HSD3B1: variants seen among roughly 807,000 people sequenced by gnomAD.
The protein encoded by HSD3B1 is hydroxy-delta-5-steroid dehydrogenase, 3 beta- and steroid delta-isomerase 1, also known as 3 beta-hydroxysteroid dehydrogenase/Delta 5-->4-isomerase type 1.
Under a neutral mutation model 10.4 loss-of-function variants are expected in HSD3B1, and 11 were observed. That is an observed-to-expected ratio of 1.05 (90% confidence interval 0.66 to 1.75). The LOEUF (loss-of-function observed/expected upper bound fraction) is 1.75, where lower values mean the gene tolerates loss of function less well. Among genes scored for constraint, HSD3B1 ranks in the 40% most tolerant of loss-of-function variants. The pLI, the probability that HSD3B1 is intolerant of heterozygous loss-of-function variation, is 0.00. For missense variants in HSD3B1, 490 were observed against 454.5 expected, an observed-to-expected ratio of 1.08 and a Z score of -0.71; for synonymous variants, 217 against 185.4, an observed-to-expected ratio of 1.17 and a Z score of -1.39.
At position 119,514,744 on chromosome 1, in the gene HSD3B1, A is replaced by C; in HGVS notation, c.*99A>C. The C allele has an allele frequency of 7.5e-7, 1 of 1,335,028 alleles. No individual in the cohort carries two copies. The highest frequency in any genetic ancestry group is 1.1e-6 in the Non-Finnish European group (1 of 949,744). 82.7% of individuals were successfully genotyped at this position (1,335,028 alleles called of 1,614,324 possible). A position where few individuals can be genotyped will look rare whatever the true frequency, so the allele number is the denominator to read the frequency against. The stretch of plus-strand genomic sequence containing the variant: ...CAGAAAGTGACAAGGGCACAAGCTC[A>C]GGTCCTGCTGCCTCCCTTTCATACA... On this transcript the variant is annotated 3_prime_UTR_variant, in exon 4 of 4. Transcript: ENST00000369413.
At position 119,513,859 on chromosome 1, in the gene HSD3B1, T is replaced by C. The variant is rs1317897970; in HGVS notation, c.336T>C (p.Cys112=). 6.2e-7 allele frequency: 1 copy of C among 1,613,760 alleles called. No homozygotes were observed. Among genetic ancestry groups the C allele is most frequent in the African/African-American group, 1.3e-5 (1 of 74,894 alleles). The change falls in exon 4 of 4, where the codon TGT becomes TGC. Residue 112 remains cysteine, a synonymous_variant. Transcript: ENST00000369413. ...VKGTQLLLEA[C]VQASVPVFIY... is the part of the protein sequence containing the mutation. ...GTACCCAGCTCCTGTTAGAGGCCTG[T>C]GTCCAAGCTAGTGTGCCAGTCTTCA...
At position 119,508,372 on chromosome 1, in the gene HSD3B1, A is replaced by T. The variant is rs1270856682; in HGVS notation, c.145+751A>T. Among the ~76,000 whole-genome samples, 974 of 127,370 alleles carry T rather than the reference A, an allele frequency of 7.6e-3. 8 individuals carry two copies. The highest frequency in any genetic ancestry group is 0.043 in the African/African-American group (925 of 21,674). 83.6% of individuals were successfully genotyped at this position (127,370 alleles called of 152,430 possible). A position where few individuals can be genotyped will look rare whatever the true frequency, so the allele number is the denominator to read the frequency against. ...ATTTTGCATATATGGCTTTTTTTTAAAAAAAAAAAAACAAAACATTTACCT... is the reference window on the plus strand; with the variant it reads ...ATTTTGCATATATGGCTTTTTTTTATAAAAAAAAAAACAAAACATTTACCT... On this transcript the variant is annotated intron_variant, in intron 2 of 3. Coordinates refer to ENST00000369413, the MANE Select transcript of HSD3B1 (RefSeq NM_000862.3).
In HSD3B1 at chr1:119,507,612, G is replaced by A. The variant is rs369792933; in HGVS notation, c.136G>A (p.Glu46Lys). ...DKAFGPELRE[E>K]FSKLQNKTKL... ...GGCCTTCGGACCAGAATTGAGAGAG[G>A]AATTTTCTAGTAAGTAAACTTGGGT... Residue 46 changes from glutamate to lysine, a missense_variant, in exon 2 of 4, where the codon GAA becomes AAA. By Grantham distance (56) the Glu-to-Lys change is moderately conservative (BLOSUM62 1). Transcript: ENST00000369413. The A allele has an allele frequency of 9.9e-6, 16 of 1,613,766 alleles. No individual in the cohort carries two copies. Among genetic ancestry groups the A allele is most frequent in the African/African-American group, 1.3e-5 (1 of 74,864 alleles).
chr1:119,513,633 CAT>C (rs1209346688), intron 3 of HSD3B1, among the ~76,000 whole-genome samples, 199 bp from the exon 4 acceptor site: 6 of 152,182 alleles, frequency 3.9e-5, no homozygotes, highest in Admixed American at 2.0e-4. Context: ...CCAGAACCCA[CAT>C]GTCAGTTTCT....
Position 119,507,254 on chromosome 1 carries a change from T to C in HSD3B1, c.-94T>C, listed in dbSNP as rs1557893619. 3.8e-6 allele frequency: 2 copies of C among 529,208 alleles called. No homozygotes were observed. Among genetic ancestry groups the C allele is most frequent in the East Asian group, 3.4e-5 (1 of 29,698 alleles). The allele number at this position is 529,208 out of a possible 1,614,324, so 32.8% of individuals were successfully genotyped here. On this transcript the variant is annotated 5_prime_UTR_variant, in exon 1 of 4. Transcript: ENST00000369413. ...CTCTTCTGTCCAGCTTTTAACAATC[T>C]AACTAATGGTTAGAGATTTTTCATT...
rs1233214320 is a variant in HSD3B1, at chr1:119,513,866, G to T, written c.343G>T (p.Ala115Ser). The change falls in exon 4 of 4, where the codon GCT becomes TCT. Residue 115 changes from alanine (A) to serine (S), a missense_variant. Transcript: ENST00000369413. The part of the protein sequence containing the change: ...TQLLLEACVQ[A>S]SVPVFIYTSS... ...GCTCCTGTTAGAGGCCTGTGTCCAAGCTAGTGTGCCAGTCTTCATCTACAC... is the reference window on the plus strand; with the variant it reads ...GCTCCTGTTAGAGGCCTGTGTCCAATCTAGTGTGCCAGTCTTCATCTACAC... The T allele has an allele frequency of 6.2e-7, 1 of 1,613,934 alleles. No homozygotes were observed. Among genetic ancestry groups the T allele is most frequent in the Admixed American group, 1.7e-5 (1 of 60,006 alleles).
intron 2 of HSD3B1, among the ~76,000 whole-genome samples, chr1:119,509,415 A>G (rs1474089277): frequency 6.6e-6 from 1 of 152,196 alleles, no homozygotes; most frequent in Non-Finnish European, 1.5e-5. Flanking sequence ...CTTCATCAAC[A>G]AAGTACCTTT....
chr1:119,514,910 A>G lies in HSD3B1; in HGVS notation c.*265A>G, dbSNP rs1350095258. The G allele has an allele frequency of 8.1e-6, 4 of 494,228 alleles. No individual in the cohort carries two copies. The highest frequency in any genetic ancestry group is 1.9e-5 in the African/African-American group (1 of 51,872). 30.6% of individuals were successfully genotyped at this position (494,228 alleles called of 1,614,324 possible). A position where few individuals can be genotyped will look rare whatever the true frequency, so the allele number is the denominator to read the frequency against. ...AAATCTCAGTAGCTGATTCTGAACA[A>G]TTTAGGGACTCTTTTAACTTGAGGG... On this transcript the variant is annotated 3_prime_UTR_variant, in exon 4 of 4. Transcript: ENST00000369413.
intron 2 of HSD3B1, 83 bp downstream of exon 2, chr1:119,507,704 T>C: frequency 7.0e-7 from 1 of 1,436,678 alleles, no homozygotes; most frequent in South Asian, 1.2e-5. Context: ...GTCTAGCAAG[T>C]TATTGAAATT....
At position 119,514,387 on chromosome 1, in the gene HSD3B1, A is replaced by T. The variant is rs762490346; in HGVS notation, c.864A>T (p.Leu288Phe). The part of the protein sequence containing the change: ...LRLDSRWSFP[L>F]SLMYWIGFLL... The stretch of plus-strand genomic sequence containing the variant: ...TTGATTCCAGATGGAGCTTTCCTTT[A>T]TCCCTGATGTATTGGATTGGCTTCC... The change falls in exon 4 of 4, where the codon TTA (leucine) becomes TTT (phenylalanine). Residue 288 changes from leucine to phenylalanine, a missense_variant. By Grantham distance (22) the Leu-to-Phe change is conservative. Coordinates refer to ENST00000369413, the MANE Select transcript of HSD3B1 (RefSeq NM_000862.3). 15 of 1,613,988 alleles carry T rather than the reference A, an allele frequency of 9.3e-6. No individual in the cohort carries two copies. The highest frequency in any genetic ancestry group is 8.3e-5 in the Admixed American group (5 of 60,000).
intron 2 of HSD3B1, among the ~76,000 whole-genome samples, chr1:119,509,257 T>A (rs116409895): frequency 0.015 from 2,249 of 152,350 alleles, 47 homozygotes; most frequent in African/African-American, 0.051. Flanking sequence ...GACAGACTAG[T>A]GCAGCATCTG....
Position 119,511,600 on chromosome 1 carries a change from C to A in HSD3B1, c.243C>A (p.His81Gln). The A allele has an allele frequency of 6.2e-7, 1 of 1,613,714 alleles. No individual in the cohort carries two copies. Among genetic ancestry groups the A allele is most frequent in the African/African-American group, 1.3e-5 (1 of 75,002 alleles). ...RACQDVSVII[H>Q]TACIIDVFGV... ...GCCAGGACGTCTCGGTCATCATCCA[C>A]ACCGCCTGTATCATTGATGTCTTCG... Residue 81 changes from histidine to glutamine, a missense_variant, in exon 3 of 4, where the codon CAC becomes CAA. By Grantham distance (24) the His-to-Gln change is conservative. Transcript: ENST00000369413.
chr1:119,511,797 A>G (rs587712110), intron 3 of HSD3B1, 130 bp downstream of exon 3: 5 of 845,738 alleles, frequency 5.9e-6, no homozygotes, highest in African/African-American at 5.0e-5. Context: ...GCTGATCACT[A>G]CGAATAGGAG....
intron 2 of HSD3B1, among the ~76,000 whole-genome samples, chr1:119,508,373 A>T (rs868129048): frequency 0.027 from 3,629 of 136,622 alleles, 129 homozygotes; most frequent in African/African-American, 0.12. Flanking sequence ...TTTTTTTTAA[A>T]AAAAAAAAAA....
At chr1:119,511,457 G>T in intron 2 of HSD3B1, 46 bp from the exon 3 acceptor site, 5 of 1,603,158 alleles carry the variant, frequency 3.1e-6, no homozygotes, top group Non-Finnish European at 4.3e-6. Flanking sequence ...AAACTTCTCA[G>T]CCAGATACAG....
At position 119,509,458 on chromosome 1, in the gene HSD3B1, G is replaced by A. The variant is rs190325978; in HGVS notation, c.145+1837G>A. Among the ~76,000 whole-genome samples, 285 of 152,310 alleles carry A rather than the reference G, an allele frequency of 1.9e-3. 2 individuals are homozygous for A. The highest frequency in any genetic ancestry group is 6.4e-3 in the African/African-American group (268 of 41,564). On this transcript the variant is annotated intron_variant, in intron 2 of 3. Coordinates refer to ENST00000369413, the MANE Select transcript of HSD3B1 (RefSeq NM_000862.3). Reference sequence around the variant, plus strand: ...CCCTCTAGATCCCTGGGAACTCACTGGGGAAGAGTCCTTTTCTCTCAGCTT... The same window carrying A: ...CCCTCTAGATCCCTGGGAACTCACTAGGGAAGAGTCCTTTTCTCTCAGCTT...
At chr1:119,510,235 T>G (rs587769379) in intron 2 of HSD3B1, among the ~76,000 whole-genome samples, 1 of 152,338 alleles carries the variant, frequency 6.6e-6, no homozygotes, top group South Asian at 2.1e-4. Context: ...ACATTGATGT[T>G]GTAACCACTG....
rs773301563 is a variant in HSD3B1, at chr1:119,514,615, C to T, written c.1092C>T (p.His364=). The change falls in exon 4 of 4, where the codon CAC becomes CAT. Residue 364 remains histidine (H), a synonymous_variant. Coordinates refer to ENST00000369413, the MANE Select transcript of HSD3B1 (RefSeq NM_000862.3). ...VEWVGSLVDR[H]KETLKSKTQ is the part of the protein sequence containing the mutation. ...GGGTTGGTTCCCTTGTGGACCGGCA[C>T]AAGGAGACCCTGAAGTCCAAGACTC... 7.4e-6 allele frequency: 12 copies of T among 1,613,660 alleles called. No homozygotes were observed. Among genetic ancestry groups the T allele is most frequent in the Non-Finnish European group, 1.0e-5 (12 of 1,179,978 alleles).
At position 119,511,589 on chromosome 1, in the gene HSD3B1, G is replaced by T. The variant is rs587609784; in HGVS notation, c.232G>T (p.Val78Phe). The change falls in exon 3 of 4, where the codon GTC becomes TTC. Residue 78 changes from valine to phenylalanine, a missense_variant. Coordinates refer to ENST00000369413, the MANE Select transcript of HSD3B1 (RefSeq NM_000862.3). The part of the protein sequence containing the change: ...FLKRACQDVS[V>F]IIHTACIIDV... Reference sequence around the variant, plus strand: ...GAAGAGAGCCTGCCAGGACGTCTCGGTCATCATCCACACCGCCTGTATCAT... The same window carrying T: ...GAAGAGAGCCTGCCAGGACGTCTCGTTCATCATCCACACCGCCTGTATCAT... 189 of 1,613,710 alleles carry T rather than the reference G, an allele frequency of 1.2e-4. No homozygotes were observed. The highest frequency in any genetic ancestry group is 3.7e-4 in the South Asian group (34 of 91,054).
Sources: gnomAD v4.1 joint callset for allele counts (sites outside exome capture counted in the v4.1 genomes callset) on GRCh38, gnomAD v4.1.1 for gene constraint, MANE v1.5 for transcripts, NCBI Gene and HGNC (gene_info 2026-07-23, HGNC 2026-07-21) for gene names.